TBX15: variants seen among roughly 807,000 people sequenced by gnomAD.
TBX15 encodes the protein T-box transcription factor TBX15.
Under a neutral mutation model 53.9 loss-of-function variants are expected in TBX15, and 18 were observed. That is an observed-to-expected ratio of 0.33 (90% CI 0.23 to 0.49). The LOEUF (loss-of-function observed/expected upper bound fraction) is 0.49. Among genes scored for constraint, TBX15 ranks in the 20% least tolerant of loss-of-function variants. The pLI, the probability that TBX15 is intolerant of heterozygous loss-of-function variation, is 0.98. For synonymous variants in TBX15, 295 were observed against 278.0 expected (o/e 1.06, Z -0.61); for missense variants, 692 against 749.5 (o/e 0.92, Z 0.90).
chr1:118,961,823 C>G (rs1008562114), intron 1 of TBX15, among the ~76,000 whole-genome samples: 1 of 152,156 alleles, frequency 6.6e-6, no homozygotes. Context: ...ATGATTAAGG[C>G]ACTATCCCTG....
chr1:118,981,127 C>T (rs1162420908), intron 1 of TBX15, among the ~76,000 whole-genome samples: 1 of 152,174 alleles, frequency 6.6e-6, no homozygotes. Flanking sequence ...TGAGCCTGGC[C>T]TTGACTGGTA....
At chr1:118,893,915 C>G (rs1043420708) in intron 7 of TBX15, among the ~76,000 whole-genome samples, 1 of 151,728 alleles carries the variant, frequency 6.6e-6, no homozygotes. Context: ...TTTAATCATG[C>G]GGGAAAAAAA....
intron 7 of TBX15, among the ~76,000 whole-genome samples, chr1:118,891,962 C>T (rs1654161543): frequency 6.6e-6 from 1 of 151,976 alleles, no homozygotes; most frequent in Admixed American, 6.6e-5. Flanking sequence ...TAGGTAATTC[C>T]ACTATGAATC....
rs1048255304 is a variant in TBX15, at chr1:118,954,805, G to A, written c.206-22973C>T. Among the ~76,000 whole-genome samples the A allele has an allele frequency of 6.6e-5, 10 of 152,134 alleles. No individual in the cohort carries two copies. The South Asian group carries it at 1.2e-3, about 19-fold the overall frequency. On this transcript the variant is annotated intron_variant, in intron 1 of 7. Transcript: ENST00000369429. Reference sequence around the variant, plus strand: ...GGGGATTTCCCTAATCCAAATGTTGGTATCCACAACTGATGCACACAGGCA... The same window carrying A: ...GGGGATTTCCCTAATCCAAATGTTGATATCCACAACTGATGCACACAGGCA...
In TBX15 at chr1:118,888,516, C is replaced by T. The variant is rs555992799; in HGVS notation, c.1025-3000G>A. On this transcript the variant is annotated intron_variant, in intron 7 of 7. Transcript: ENST00000369429. Reference sequence around the variant, plus strand: ...AGAAATCTCAAGGATTCATTTCAAGCGTGTGGTTCCTCTTTGAGGCATCCT... The same window carrying T: ...AGAAATCTCAAGGATTCATTTCAAGTGTGTGGTTCCTCTTTGAGGCATCCT... Among the ~76,000 whole-genome samples, 5 of 152,308 alleles carry T rather than the reference C, an allele frequency of 3.3e-5. No homozygotes were observed. In the South Asian group the frequency reaches 8.3e-4, roughly 25 times the overall value.
chr1:118,899,161 T>C (rs1464233118), intron 6 of TBX15, 36 bp from the exon 7 acceptor site: 1 of 1,588,844 alleles, frequency 6.3e-7, no homozygotes, highest in Non-Finnish European at 8.6e-7. Context: ...AAGTCATAAA[T>C]AATTTCAAGA....
rs1163435668 is a variant in TBX15, at chr1:118,924,701, A to G, written c.638T>C (p.Val213Ala). 1.9e-6 allele frequency: 3 copies of G among 1,613,916 alleles called. No individual in the cohort carries two copies. The highest frequency in any genetic ancestry group is 2.5e-6 in the Non-Finnish European group (3 of 1,179,974). The change falls in exon 4 of 8, where the codon GTG becomes GCG. Residue 213 changes from valine to alanine, a missense_variant. Val to Ala is a moderately conservative substitution (Grantham distance 64). Around this residue, in one of 3 missense-constraint regions of TBX15, gnomAD observed 307 missense variants for 347.5 expected, o/e 0.88. Transcript: ENST00000369429. ...AAGCTTGAGTTTGTCAAAACTGACCACCTGTCTCATCCAGGTGTCTCCAGA... is the reference window on the plus strand; with the variant it reads ...AAGCTTGAGTTTGTCAAAACTGACCGCCTGTCTCATCCAGGTGTCTCCAGA... ...LASGDTWMRQVVSFDKLKLTN... is the reference protein window; with the variant it reads ...LASGDTWMRQAVSFDKLKLTN...
At position 118,959,024 on chromosome 1, in the gene TBX15, C is replaced by CAGAGAGAG. The variant is rs10563585; in HGVS notation, c.206-27200_206-27193dup. 1.5e-3 allele frequency among the ~76,000 whole-genome samples: 221 copies of CAGAGAGAG among 144,538 alleles called. 1 individual carries two copies. Among genetic ancestry groups the CAGAGAGAG allele is most frequent in the East Asian group, 4.6e-3 (21 of 4,562 alleles). The allele number at this position is 144,538 out of a possible 152,430, so 94.8% of individuals were successfully genotyped here. A position where few individuals can be genotyped will look rare whatever the true frequency, so the allele number is the denominator to read the frequency against. ...TAGTGGTCATCAGAAGGTATAATAT[C>CAGAGAGAG]AGAGAGAGAGAGAGAGAGAGAGAGA... On this transcript the variant is annotated intron_variant, in intron 1 of 7. Coordinates refer to ENST00000369429, the MANE Select transcript of TBX15 (RefSeq NM_001330677.2).
intron 6 of TBX15, among the ~76,000 whole-genome samples, chr1:118,909,655 T>C (rs1654966029): frequency 6.6e-6 from 1 of 152,210 alleles, no homozygotes; most frequent in Non-Finnish European, 1.5e-5. Flanking sequence ...TGATTTCGGC[T>C]CACTGCAACC....
At chr1:118,888,519 G>A (rs951654802) in intron 7 of TBX15, among the ~76,000 whole-genome samples, 5 of 152,218 alleles carry the variant, frequency 3.3e-5, no homozygotes, top group Admixed American at 6.5e-5. Flanking sequence ...TTTCAAGCGT[G>A]TGGTTCCTCT....
chr1:118,895,763 T>A (rs1463691627), intron 7 of TBX15, among the ~76,000 whole-genome samples: 1 of 151,956 alleles, frequency 6.6e-6, no homozygotes, highest in Non-Finnish European at 1.5e-5. Flanking sequence ...AAAAAAAAAA[T>A]TGACCTATTG....
intron 7 of TBX15, among the ~76,000 whole-genome samples, chr1:118,887,217 C>A (rs1653974408): frequency 6.6e-6 from 1 of 152,170 alleles, no homozygotes; most frequent in East Asian, 1.9e-4. Context: ...AGGAGTTTCC[C>A]AGCATTGTCA....
intron 1 of TBX15, among the ~76,000 whole-genome samples, chr1:118,958,561 T>C (rs1458690975): frequency 6.6e-6 from 1 of 152,200 alleles, no homozygotes; most frequent in African/African-American, 2.4e-5. Context: ...TAAATATTAT[T>C]TATCTTGATC....
chr1:118,903,590 C>T (rs947782773), intron 6 of TBX15, among the ~76,000 whole-genome samples: 2 of 152,098 alleles, frequency 1.3e-5, no homozygotes, highest in Non-Finnish European at 2.9e-5. Context: ...GCTGGTGACA[C>T]TGGTAACAAA....
At chr1:118,949,525 T>C (rs1656446933) in intron 1 of TBX15, among the ~76,000 whole-genome samples, 4 of 152,240 alleles carry the variant, frequency 2.6e-5, no homozygotes, top group Admixed American at 2.6e-4. Flanking sequence ...TGATTTACTT[T>C]GTGGGAGTTT....
chr1:118,893,320 A>G (rs1325172370), intron 7 of TBX15, among the ~76,000 whole-genome samples: 3 of 134,598 alleles, frequency 2.2e-5, no homozygotes, highest in Admixed American at 7.3e-5. Flanking sequence ...GAAGGAAAGA[A>G]AGAAAGAAGA....
At chr1:118,936,305 C>T (rs888853364) in intron 1 of TBX15, among the ~76,000 whole-genome samples, 1 of 152,146 alleles carries the variant, frequency 6.6e-6, no homozygotes. Flanking sequence ...AAATTGCATA[C>T]ACTTTTAGTC....
Position 118,924,666 on chromosome 1 carries a change from CATT to C in TBX15, c.670_672del (p.Asn224del). The stretch of plus-strand genomic sequence containing the variant: ...CTCACATGTCCTTGATCATCCAACT[CATT>C]GTTGGTAAGCTTGAGTTTGTCAAAA... On this transcript the variant is annotated inframe_deletion, in exon 4 of 8. Coordinates refer to ENST00000369429, the MANE Select transcript of TBX15 (RefSeq NM_001330677.2). 6.2e-7 allele frequency: 1 copy of C among 1,614,018 alleles called. No individual in the cohort carries two copies. Among genetic ancestry groups the C allele is most frequent in the Non-Finnish European group, 8.5e-7 (1 of 1,179,920 alleles).
chr1:118,947,417 T>C (rs1303858852), intron 1 of TBX15, among the ~76,000 whole-genome samples: 1 of 152,218 alleles, frequency 6.6e-6, no homozygotes, highest in Non-Finnish European at 1.5e-5. Flanking sequence ...AATCAGAAGG[T>C]AGGAGTGTTA....
Sources: allele counts gnomAD v4.1 joint callset (sites outside exome capture counted in the v4.1 genomes callset), GRCh38; gene constraint gnomAD v4.1.1; regional missense constraint gnomAD v4.1.1; transcripts MANE v1.5; gene names NCBI Gene and HGNC (gene_info 2026-07-23, HGNC 2026-07-21).